Variants in TMEM184C observed in about 807,000 individuals in gnomAD.
TMEM184C encodes the protein transmembrane protein 184C.
In TMEM184C, 25 loss-of-function variants were observed where a neutral mutation model predicts 54.5. The observed-to-expected ratio is 0.46, with a 90% CI of 0.33 to 0.64. The LOEUF (loss-of-function observed/expected upper bound fraction) is 0.64, where lower values mean the gene tolerates loss of function less well. Among genes scored for constraint, TMEM184C ranks in the 30% least tolerant of loss-of-function variants. The probability of loss-of-function intolerance (pLI) is 0.02; values close to 1 mark genes in which losing one functional copy is unlikely to be tolerated. For synonymous variants in TMEM184C, 148 were observed against 181.5 expected (o/e 0.82, Z 1.49); for missense variants, 335 against 520.3 (o/e 0.64, Z 3.46).
intron 5 of TMEM184C, among the ~76,000 whole-genome samples, chr4:147,628,854 C>G (rs1434148313): frequency 6.6e-6 from 1 of 152,064 alleles, no homozygotes; most frequent in Admixed American, 6.5e-5. Flanking sequence ...TATATTCTAT[C>G]AAGGCTTAGA....
intron 1 of TMEM184C, among the ~76,000 whole-genome samples, chr4:147,619,399 T>C (rs1732664000): frequency 6.6e-6 from 1 of 152,012 alleles, no homozygotes; most frequent in Non-Finnish European, 1.5e-5. Context: ...GGTTTCACGG[T>C]GTTGGCCAGG....
At chr4:147,625,133 CAG>C in intron 4 of TMEM184C, 124 bp downstream of exon 4, 1 of 876,338 alleles carries the variant, frequency 1.1e-6, no homozygotes, top group African/African-American at 1.7e-5. Context: ...AAGTATAAGA[CAG>C]CTCCTGATGC....
At chr4:147,620,178 TC>T (rs781130908) in intron 1 of TMEM184C, among the ~76,000 whole-genome samples, 225 of 152,180 alleles carry the variant, frequency 1.5e-3, no homozygotes, top group Admixed American at 2.9e-3. Flanking sequence ...ATTGTCAACT[TC>T]CCCCCACCCC....
Position 147,631,407 on chromosome 4 carries a change from T to C in TMEM184C, c.681T>C (p.Cys227=). The C allele has an allele frequency of 6.3e-7, 1 of 1,584,902 alleles. No homozygotes were observed. Among genetic ancestry groups the C allele is most frequent in the East Asian group, 2.3e-5 (1 of 44,174 alleles). The change falls in exon 7 of 10, where the codon TGT becomes TGC. Residue 227 remains cysteine (C), a synonymous_variant. Coordinates refer to ENST00000296582, the MANE Select transcript of TMEM184C (RefSeq NM_018241.3). ...CTTGTTTCTAGTTTGCCATGTATTG[T>C]CTCCTGCTCTTTTATAAAGTACTAA... is the stretch of plus-strand genomic sequence containing the variant. ...NNMSQLFAMY[C]LLLFYKVLKE...
chr4:147,627,823 G>A (rs1457975161), intron 4 of TMEM184C, among the ~76,000 whole-genome samples: 1 of 151,624 alleles, frequency 6.6e-6, no homozygotes, highest in Non-Finnish European at 1.5e-5. Flanking sequence ...CTTGAGCCCA[G>A]GAGGTCAAGA....
intron 1 of TMEM184C, among the ~76,000 whole-genome samples, chr4:147,623,610 T>A (rs558121519): frequency 6.8e-6 from 1 of 147,238 alleles, no homozygotes; most frequent in Admixed American, 7.0e-5. Flanking sequence ...AATATAAAAG[T>A]CCCCCCTCCC....
chr4:147,620,996 T>G (rs182608674), intron 1 of TMEM184C, among the ~76,000 whole-genome samples: 176 of 152,274 alleles, frequency 1.2e-3, no homozygotes, highest in Non-Finnish European at 2.0e-3. Flanking sequence ...CTACAGAAAT[T>G]TATTTTCTCA....
intron 6 of TMEM184C, among the ~76,000 whole-genome samples, chr4:147,630,340 AT>A (rs1732893072): frequency 6.6e-6 from 1 of 152,090 alleles, no homozygotes; most frequent in Admixed American, 6.5e-5. Flanking sequence ...GAGCTTTATA[AT>A]AAAAATTAAA....
At position 147,625,016 on chromosome 4, in the gene TMEM184C, A is replaced by G. The variant is rs560099997; in HGVS notation, c.497+7A>G. 1 of 1,613,028 alleles carries G rather than the reference A, an allele frequency of 6.2e-7. No individual in the cohort carries two copies. Among genetic ancestry groups the G allele is most frequent in the African/African-American group, 1.3e-5 (1 of 74,956 alleles). ...CACCATGGGCTATGGGAGAGTAAGTATGTTTGGTTTAATTCTTTTATGTTT... is the reference window on the plus strand; with the variant it reads ...CACCATGGGCTATGGGAGAGTAAGTGTGTTTGGTTTAATTCTTTTATGTTT... On this transcript the variant is annotated splice_region_variant and intron_variant, in intron 4 of 9. Coordinates refer to ENST00000296582, the MANE Select transcript of TMEM184C (RefSeq NM_018241.3).
At chr4:147,622,956 G>A (rs1008342960) in intron 1 of TMEM184C, among the ~76,000 whole-genome samples, 5 of 152,042 alleles carry the variant, frequency 3.3e-5, no homozygotes, top group Admixed American at 1.3e-4. Context: ...ATGGCATCTC[G>A]CCATGTTGCT....
chr4:147,631,140 A>C (rs1305756064), intron 6 of TMEM184C, among the ~76,000 whole-genome samples: 7 of 152,146 alleles, frequency 4.6e-5, no homozygotes, highest in Admixed American at 2.0e-4. Context: ...CATTTATGTC[A>C]ATCATTTGTT....
chr4:147,629,785 C>A (rs1330864544), intron 6 of TMEM184C, 93 bp downstream of exon 6: 2 of 770,594 alleles, frequency 2.6e-6, no homozygotes, highest in African/African-American at 1.8e-5. Flanking sequence ...ATAAGGCTTG[C>A]TTCTTTTTAA....
intron 1 of TMEM184C, among the ~76,000 whole-genome samples, chr4:147,620,083 A>T (rs1732679164): frequency 6.6e-6 from 1 of 152,168 alleles, no homozygotes; most frequent in Non-Finnish European, 1.5e-5. Flanking sequence ...TCCCCTTCAC[A>T]GAATTTCCTT....
chr4:147,624,580 TCAAA>T lies in TMEM184C; in HGVS notation c.292-221_292-218del, dbSNP rs201821522. Among the ~76,000 whole-genome samples the T allele has an allele frequency of 3.5e-3, 533 of 152,318 alleles. 10 individuals are homozygous for T. The highest frequency in any genetic ancestry group is 0.029 in the Admixed American group (443 of 15,306). ...TCTCTCTTTATTCATTATTTACCCC[TCAAA>T]CACTTGTTTTTGTTTACCAATATCT... On this transcript the variant is annotated intron_variant, in intron 3 of 9. Transcript: ENST00000296582.
Position 147,617,642 on chromosome 4 carries a change from A to C in TMEM184C, c.-315A>C. On this transcript the variant is annotated 5_prime_UTR_variant, in exon 1 of 10. Coordinates refer to ENST00000296582, the MANE Select transcript of TMEM184C (RefSeq NM_018241.3). ...GGAAGCCATGGTACAGGCAGAGCTC[A>C]GGGCGATCCCCAGGTGAGGGCAGCG... The C allele has an allele frequency of 2.9e-6, 1 of 348,284 alleles. No homozygotes were observed. Among genetic ancestry groups the C allele is most frequent in the Non-Finnish European group, 5.7e-6 (1 of 176,904 alleles). The allele number at this position is 348,284 out of a possible 1,614,324, so 21.6% of individuals were successfully genotyped here.
chr4:147,632,191 A>G (rs1337132267), intron 7 of TMEM184C, among the ~76,000 whole-genome samples: 1 of 137,686 alleles, frequency 7.3e-6, no homozygotes, highest in Non-Finnish European at 1.6e-5. Flanking sequence ...AAAAAAAAAG[A>G]ATTTAGTAAA....
rs1733010685 is a variant in TMEM184C at position 147,635,584 on chromosome 4, CT to C, written c.*1153del. The C allele has an allele frequency of 6.6e-6, 1 of 152,128 alleles. No homozygotes were observed. The highest frequency in any genetic ancestry group is 1.5e-5 in the Non-Finnish European group (1 of 68,014). 9.4% of individuals were successfully genotyped at this position (152,128 alleles called of 1,614,324 possible). A position where few individuals can be genotyped will look rare whatever the true frequency, so the allele number is the denominator to read the frequency against. On this transcript the variant is annotated 3_prime_UTR_variant, in exon 10 of 10. Transcript: ENST00000296582. ...AAAGATGAGTATTGTTTCTCAAAGCCTTTGCTTTATGTATTTATACACATAC... is the reference window on the plus strand; with the variant it reads ...AAAGATGAGTATTGTTTCTCAAAGCCTTGCTTTATGTATTTATACACATAC...
chr4:147,631,804 G>A (rs958316505), intron 7 of TMEM184C, among the ~76,000 whole-genome samples: 2 of 152,130 alleles, frequency 1.3e-5, no homozygotes, highest in Non-Finnish European at 2.9e-5. Context: ...TTGGAAGAAA[G>A]CATGATGTAG....
Position 147,635,751 on chromosome 4 carries a change from A to AC in TMEM184C, c.*1317_*1318insC, listed in dbSNP as rs1733022962. ...GTAAAAACCCCAAAGATACACACAC[A>AC]AAAAAAATCTGTTTGTTAGAACTCA... On this transcript the variant is annotated 3_prime_UTR_variant, in exon 10 of 10. Coordinates refer to ENST00000296582, the MANE Select transcript of TMEM184C (RefSeq NM_018241.3). 1 of 152,004 alleles carries AC rather than the reference A, an allele frequency of 6.6e-6. No individual in the cohort carries two copies. Among genetic ancestry groups the AC allele is most frequent in the African/African-American group, 2.4e-5 (1 of 41,400 alleles). 9.4% of individuals were successfully genotyped at this position (152,004 alleles called of 1,614,324 possible).
Sources: allele counts gnomAD v4.1 joint callset (sites outside exome capture counted in the v4.1 genomes callset), GRCh38; gene constraint gnomAD v4.1.1; transcripts MANE v1.5; gene names NCBI Gene and HGNC (gene_info 2026-07-23, HGNC 2026-07-21).